Variants in DHRSX observed in about 807,000 individuals in gnomAD.
DHRSX encodes the protein dehydrogenase/reductase X-linked.
In DHRSX, 31 loss-of-function variants were observed where a neutral mutation model predicts 34.0. That is an observed-to-expected ratio of 0.91 (90% CI 0.69 to 1.23). The LOEUF is 1.23. DHRSX is among the 50% of genes most tolerant of loss of function. The pLI is 0.00. For missense variants in DHRSX, 414 were observed against 428.1 expected (o/e 0.97, Z 0.29); for synonymous variants, 201 against 183.8 (o/e 1.09, Z -0.76).
intron 3 of DHRSX, among the ~76,000 whole-genome samples, chrX:2,304,049 A>C (rs1457684913): frequency 8.1e-6 from 1 of 122,708 alleles, no homozygotes; most frequent in Non-Finnish European, 1.9e-5. Context: ...GGATGGATGG[A>C]TGGATGGATG....
At chrX:2,407,952 T>A (rs1473036715) in intron 3 of DHRSX, among the ~76,000 whole-genome samples, 1 of 151,928 alleles carries the variant, frequency 6.6e-6, no homozygotes, top group Non-Finnish European at 1.5e-5. Context: ...AAATAATAAA[T>A]AAATAAAAGG....
At chrX:2,445,895 A>G (rs1194714814) in intron 1 of DHRSX, among the ~76,000 whole-genome samples, 1 of 151,426 alleles carries the variant, frequency 6.6e-6, no homozygotes, top group Non-Finnish European at 1.5e-5. Context: ...CACACTGAAG[A>G]TGTTCCCTAA....
chrX:2,473,873 G>A (rs1449543661), intron 1 of DHRSX, among the ~76,000 whole-genome samples: 1 of 142,336 alleles, frequency 7.0e-6, no homozygotes, highest in East Asian at 1.9e-4. Context: ...GTGCCAGAAA[G>A]ATAATGAAGC....
At chrX:2,372,753 C>T (rs2043089668) in intron 3 of DHRSX, among the ~76,000 whole-genome samples, 7 of 152,008 alleles carry the variant, frequency 4.6e-5, no homozygotes, top group Admixed American at 2.6e-4. Flanking sequence ...GGATTACAGG[C>T]ACCCGCCACC....
chrX:2,361,180 G>A (rs147470350), intron 3 of DHRSX, among the ~76,000 whole-genome samples: 5,512 of 152,046 alleles, frequency 0.036, 133 homozygotes, highest in Non-Finnish European at 0.057. Flanking sequence ...GTGCGATCTC[G>A]GCTCACTGCA....
intron 5 of DHRSX, among the ~76,000 whole-genome samples, chrX:2,248,423 A>C: frequency 1.9e-5 from 2 of 107,892 alleles, no homozygotes; most frequent in South Asian, 3.0e-4. Context: ...ACAGAGCGAG[A>C]CTCTGTCTCA....
At chrX:2,282,542 G>A (rs2041720755) in intron 4 of DHRSX, among the ~76,000 whole-genome samples, 1 of 146,702 alleles carries the variant, frequency 6.8e-6, no homozygotes, top group African/African-American at 2.5e-5. Flanking sequence ...AAGGAGATAG[G>A]GAGAAGAGGG....
intron 1 of DHRSX, among the ~76,000 whole-genome samples, chrX:2,443,777 C>T (rs774215946): frequency 6.6e-6 from 1 of 151,962 alleles, no homozygotes; most frequent in East Asian, 1.9e-4. Flanking sequence ...GAGGCCGAGG[C>T]GGGCAGATCA....
intron 1 of DHRSX, among the ~76,000 whole-genome samples, chrX:2,430,682 T>C (rs892653036): frequency 1.3e-4 from 20 of 152,110 alleles, no homozygotes; most frequent in African/African-American, 4.8e-4. Context: ...AGTAAATCTC[T>C]GGCCCATCAT....
intron 5 of DHRSX, among the ~76,000 whole-genome samples, chrX:2,246,747 A>AGAAAGAAAGAAG (rs2016304857): frequency 1.6e-4 from 9 of 56,200 alleles, no homozygotes; most frequent in Admixed American, 1.5e-3. Context: ...AAAGAAAGAA[A>AGAAAGAAAGAAG]GAAAAAGAAA....
At chrX:2,472,883 A>C (rs1162547685) in intron 1 of DHRSX, among the ~76,000 whole-genome samples, 2 of 152,172 alleles carry the variant, frequency 1.3e-5, no homozygotes, top group Non-Finnish European at 2.9e-5. Flanking sequence ...AGGGATTTCC[A>C]AAGGCAGGAC....
intron 6 of DHRSX, among the ~76,000 whole-genome samples, chrX:2,226,338 C>G (rs2015660321): frequency 2.0e-5 from 3 of 152,146 alleles, no homozygotes; most frequent in Admixed American, 2.0e-4. Flanking sequence ...TTTCAATCTC[C>G]TGTTGGTTAC....
intron 3 of DHRSX, among the ~76,000 whole-genome samples, chrX:2,369,423 T>A (rs1022412296): frequency 2.1e-4 from 32 of 152,188 alleles, no homozygotes; most frequent in Non-Finnish European, 4.6e-4. Flanking sequence ...AAGATGCAGC[T>A]GGACTAGATG....
intron 1 of DHRSX, among the ~76,000 whole-genome samples, chrX:2,440,946 C>G (rs2044055107): frequency 1.3e-5 from 2 of 152,306 alleles, no homozygotes; most frequent in Admixed American, 1.3e-4. Context: ...CTGTAACCAG[C>G]CCTGTCCTGA....
In DHRSX at chrX:2,361,308, T is replaced by C. The variant is rs140026703; in HGVS notation, c.286+47437A>G. ...TTTTAGTAGAGATGGGATTTCACCATGTTGGTCAGGCTAGTCTCAAACTCC... is the reference window on the plus strand; with the variant it reads ...TTTTAGTAGAGATGGGATTTCACCACGTTGGTCAGGCTAGTCTCAAACTCC... On this transcript the variant is annotated intron_variant, in intron 3 of 6. Transcript: ENST00000334651. 9.6e-3 allele frequency among the ~76,000 whole-genome samples: 1,464 copies of C among 152,180 alleles called. 40 individuals are homozygous for C. Among genetic ancestry groups the C allele is most frequent in the East Asian group, 0.088 (453 of 5,166 alleles).
At chrX:2,329,183 C>T (rs1489313321) in intron 3 of DHRSX, among the ~76,000 whole-genome samples, 1 of 152,114 alleles carries the variant, frequency 6.6e-6, no homozygotes, top group Admixed American at 6.6e-5. Context: ...TGGGGCTCTA[C>T]CTAAGTAATG....
intron 1 of DHRSX, among the ~76,000 whole-genome samples, chrX:2,470,634 G>C (rs2044575891): frequency 6.6e-6 from 1 of 152,134 alleles, no homozygotes; most frequent in Non-Finnish European, 1.5e-5. Flanking sequence ...CCTGAGCCAT[G>C]AGTTGGAGGC....
At chrX:2,480,725 G>A (rs1286683824) in intron 1 of DHRSX, among the ~76,000 whole-genome samples, 2 of 152,054 alleles carry the variant, frequency 1.3e-5, no homozygotes, top group Non-Finnish European at 1.5e-5. Context: ...AGGCTGTGGT[G>A]GGAGGGTCAC....
chrX:2,431,052 A>G (rs1486719451), intron 1 of DHRSX, among the ~76,000 whole-genome samples: 2 of 145,986 alleles, frequency 1.4e-5, no homozygotes, highest in Admixed American at 6.8e-5. Context: ...ACGGCCGGGC[A>G]CGGTGGCTCA....
Sources: allele counts gnomAD v4.1 joint callset (sites outside exome capture counted in the v4.1 genomes callset), GRCh38; gene constraint gnomAD v4.1.1; transcripts MANE v1.5; gene names NCBI Gene and HGNC (gene_info 2026-07-23, HGNC 2026-07-21).